Variants in PDGFD observed in about 807,000 individuals in gnomAD.
The protein encoded by PDGFD is platelet derived growth factor D.
Under a neutral mutation model 44.7 loss-of-function variants are expected in PDGFD, and 30 were observed. The ratio of observed to expected loss-of-function variants is 0.67; its 90% confidence interval spans 0.50 to 0.91. The LOEUF (loss-of-function observed/expected upper bound fraction) is 0.91. PDGFD is among the 40% of genes least tolerant of loss of function. PDGFD has a pLI of 0.00. For synonymous variants in PDGFD, 173 were observed against 168.4 expected, an observed-to-expected ratio of 1.03 and a Z score of -0.21; for missense variants, 445 against 457.8, an observed-to-expected ratio of 0.97 and a Z score of 0.25.
chr11:104,013,666 A>G (rs1351422280), intron 1 of PDGFD, among the ~76,000 whole-genome samples: 1 of 152,140 alleles, frequency 6.6e-6, no homozygotes, highest in East Asian at 1.9e-4. Context: ...TGAACAGTTT[A>G]GTAGTGACTA....
chr11:104,114,551 A>T (rs928622493), intron 1 of PDGFD, among the ~76,000 whole-genome samples: 2 of 152,010 alleles, frequency 1.3e-5, no homozygotes, highest in African/African-American at 2.4e-5. Context: ...TTGTTTTCAC[A>T]TCCTTTAATA....
chr11:104,064,408 A>G (rs760643358), intron 1 of PDGFD, among the ~76,000 whole-genome samples: 5 of 152,214 alleles, frequency 3.3e-5, no homozygotes, highest in East Asian at 1.9e-4. Context: ...GAACAATTAC[A>G]TAACTATCCT....
intron 1 of PDGFD, among the ~76,000 whole-genome samples, chr11:104,105,453 A>G (rs1277790341): frequency 2.6e-5 from 4 of 152,216 alleles, no homozygotes; most frequent in Admixed American, 2.6e-4. Context: ...TATGGAGAAA[A>G]AAAAATAAAC....
At chr11:104,081,134 C>T (rs915117787) in intron 1 of PDGFD, among the ~76,000 whole-genome samples, 2 of 151,984 alleles carry the variant, frequency 1.3e-5, no homozygotes, top group Non-Finnish European at 2.9e-5. Flanking sequence ...TTTTTTTTAA[C>T]TTCTTTCAGT....
intron 3 of PDGFD, among the ~76,000 whole-genome samples, chr11:103,977,510 G>A (rs1000377377): frequency 6.6e-6 from 1 of 151,926 alleles, no homozygotes; most frequent in African/African-American, 2.4e-5. Context: ...AACTGTTCAT[G>A]CATTTAGTAT....
At chr11:103,966,609 C>T (rs935212746) in intron 3 of PDGFD, among the ~76,000 whole-genome samples, 12 of 152,240 alleles carry the variant, frequency 7.9e-5, no homozygotes, top group South Asian at 4.1e-4. Context: ...TTATTGTAAA[C>T]GGTAAAGAAT....
At chr11:103,959,110 G>A (rs1858898777) in intron 3 of PDGFD, among the ~76,000 whole-genome samples, 1 of 152,134 alleles carries the variant, frequency 6.6e-6, no homozygotes, top group Admixed American at 6.5e-5. Context: ...CAGTTGTAAA[G>A]TATTAAAAAA....
At chr11:104,065,871 C>G (rs361264) in intron 1 of PDGFD, among the ~76,000 whole-genome samples, 49,659 of 151,948 alleles carry the variant, frequency 0.33, 8,316 homozygotes, top group East Asian at 0.46. Context: ...TAAGGGATCT[C>G]TAGCATTATT....
intron 1 of PDGFD, among the ~76,000 whole-genome samples, chr11:104,045,770 T>G (rs1860431867): frequency 6.8e-6 from 1 of 147,076 alleles, no homozygotes; most frequent in East Asian, 2.0e-4. Flanking sequence ...ATGGAGCTAT[T>G]GAAGGTCAAG....
At chr11:104,120,468 A>G (rs1194276124) in intron 1 of PDGFD, among the ~76,000 whole-genome samples, 1 of 151,956 alleles carries the variant, frequency 6.6e-6, no homozygotes, top group Non-Finnish European at 1.5e-5. Context: ...ACAGAATAGC[A>G]TAAGTTCAAA....
chr11:104,113,649 G>T (rs1861592877), intron 1 of PDGFD, among the ~76,000 whole-genome samples: 1 of 151,510 alleles, frequency 6.6e-6, no homozygotes, highest in Admixed American at 6.6e-5. Flanking sequence ...CACTGAGCAG[G>T]ACTGCTAGAT....
intron 1 of PDGFD, among the ~76,000 whole-genome samples, chr11:104,110,169 G>A: frequency 6.6e-6 from 1 of 152,022 alleles, no homozygotes; most frequent in Non-Finnish European, 1.5e-5. Flanking sequence ...ACTGAGATTT[G>A]GTAACCTCTG....
intron 1 of PDGFD, among the ~76,000 whole-genome samples, chr11:104,071,631 C>T (rs1307478499): frequency 6.6e-6 from 1 of 151,562 alleles, no homozygotes. Flanking sequence ...ATTTAAATTG[C>T]TTTTTCACAT....
chr11:104,054,604 A>G (rs1174171214), intron 1 of PDGFD, among the ~76,000 whole-genome samples: 1 of 152,210 alleles, frequency 6.6e-6, no homozygotes, highest in Non-Finnish European at 1.5e-5. Flanking sequence ...CAATTTGAGT[A>G]GAAGGGGAGA....
At chr11:104,019,979 T>G (rs1228463265) in intron 1 of PDGFD, among the ~76,000 whole-genome samples, 1 of 152,054 alleles carries the variant, frequency 6.6e-6, no homozygotes, top group Non-Finnish European at 1.5e-5. Context: ...TAAAAAAATA[T>G]GGAAATGTTT....
Position 103,927,052 on chromosome 11 carries a change from CTCTTA to C in PDGFD, c.842_846del (p.Ile281ArgfsTer47), listed in dbSNP as rs1565286410. On this transcript the variant is annotated frameshift_variant, in exon 6 of 7. Transcript: ENST00000393158. LOFTEE classifies it high-confidence loss of function. Reference sequence around the variant, plus strand: ...ACCACATTGGCCAACTTCAGCTCTTCTCTTATATTGACCGAGTAATTCCTGGGAGT... The same window carrying C: ...ACCACATTGGCCAACTTCAGCTCTTCTATTGACCGAGTAATTCCTGGGAGT... The C allele has an allele frequency of 1.2e-6, 2 of 1,614,218 alleles. No homozygotes were observed. Among genetic ancestry groups the C allele is most frequent in the Non-Finnish European group, 1.7e-6 (2 of 1,180,024 alleles).
At chr11:103,997,169 T>A (rs1014910991) in intron 2 of PDGFD, among the ~76,000 whole-genome samples, 1 of 152,238 alleles carries the variant, frequency 6.6e-6, no homozygotes, top group Non-Finnish European at 1.5e-5. Flanking sequence ...GTTTTGGTCA[T>A]CAGTATCTCG....
intron 6 of PDGFD, among the ~76,000 whole-genome samples, chr11:103,926,044 A>G (rs1213773373): frequency 1.3e-5 from 2 of 152,026 alleles, no homozygotes; most frequent in East Asian, 1.9e-4. Flanking sequence ...TTTATGCTCA[A>G]TAAAGTGCTA....
intron 1 of PDGFD, among the ~76,000 whole-genome samples, chr11:104,132,984 A>T (rs12224797): frequency 0.13 from 19,820 of 152,142 alleles, 1,427 homozygotes; most frequent in East Asian, 0.29. Context: ...TTACATAAAA[A>T]TCAGAGACCC....
Sources: gnomAD v4.1 joint callset for allele counts (sites outside exome capture counted in the v4.1 genomes callset) on GRCh38, gnomAD v4.1.1 for gene constraint, MANE v1.5 for transcripts, NCBI Gene and HGNC (gene_info 2026-07-23, HGNC 2026-07-21) for gene names.